Variants in MECOM observed in about 807,000 individuals in gnomAD.
MECOM encodes MDS1 and EVI1 complex locus.
In MECOM, 13 loss-of-function variants were observed where a neutral mutation model predicts 116.3. The ratio of observed to expected loss-of-function variants is 0.11; its 90% CI spans 0.07 to 0.18. The LOEUF (loss-of-function observed/expected upper bound fraction) is 0.18, where lower values mean the gene tolerates loss of function less well. Ranked by LOEUF, MECOM falls within the 10% of genes least tolerant of loss-of-function variation. The pLI, the probability that MECOM is intolerant of heterozygous loss-of-function variation, is 1.00. For missense variants in MECOM, 1,299 were observed against 1,509.0 expected, an observed-to-expected ratio of 0.86 and a Z score of 2.31; for synonymous variants, 528 against 535.2, an observed-to-expected ratio of 0.99 and a Z score of 0.19.
At chr3:169,417,713 G>A (rs1191776325) in intron 1 of MECOM, among the ~76,000 whole-genome samples, 1 of 151,800 alleles carries the variant, frequency 6.6e-6, no homozygotes, top group Non-Finnish European at 1.5e-5. Flanking sequence ...CAACCCAAAT[G>A]TCCAACAATG....
intron 2 of MECOM, among the ~76,000 whole-genome samples, chr3:169,148,311 C>G (rs1740507295): frequency 6.6e-6 from 1 of 152,156 alleles, no homozygotes; most frequent in African/African-American, 2.4e-5. Flanking sequence ...GAACGTTTAA[C>G]ATCATAAATG....
At chr3:169,174,953 T>C (rs1168705698) in intron 2 of MECOM, among the ~76,000 whole-genome samples, 1 of 151,846 alleles carries the variant, frequency 6.6e-6, no homozygotes, top group Non-Finnish European at 1.5e-5. Flanking sequence ...AGACTCTGTC[T>C]CATCTGGTAC....
chr3:169,642,539 G>A (rs74286672), intron 1 of MECOM, among the ~76,000 whole-genome samples: 1 of 151,314 alleles, frequency 6.6e-6, no homozygotes, highest in Non-Finnish European at 1.5e-5. Context: ...AAGTGAAAAG[G>A]AAAGAATCTT....
chr3:169,460,505 A>G (rs1415136579), intron 1 of MECOM, among the ~76,000 whole-genome samples: 1 of 152,236 alleles, frequency 6.6e-6, no homozygotes, highest in Non-Finnish European at 1.5e-5. Flanking sequence ...ATTAGATGGC[A>G]TGGACATGTT....
chr3:169,631,022 A>G (rs1480637094), intron 1 of MECOM, among the ~76,000 whole-genome samples: 1 of 152,230 alleles, frequency 6.6e-6, no homozygotes, highest in Non-Finnish European at 1.5e-5. Context: ...AAGCATATTG[A>G]TGTCCTCCTC....
chr3:169,533,633 C>G (rs1336567143), intron 1 of MECOM, among the ~76,000 whole-genome samples: 1 of 134,226 alleles, frequency 7.5e-6, no homozygotes, highest in East Asian at 2.1e-4. Context: ...ATATTCATTT[C>G]TCACTTGCTT....
chr3:169,410,039 A>T (rs148348227), intron 1 of MECOM, among the ~76,000 whole-genome samples: 2 of 152,362 alleles, frequency 1.3e-5, no homozygotes, highest in Admixed American at 1.3e-4. Context: ...CTTATAATTC[A>T]GAAACTGAGG....
intron 1 of MECOM, chr3:169,624,100 G>A (rs1419072062): frequency 1.3e-5 from 2 of 152,258 alleles, no homozygotes; most frequent in Admixed American, 1.3e-4. Context: ...ATTCTGGTCA[G>A]TTCAGTCTGG....
chr3:169,490,159 T>A (rs888318722), intron 1 of MECOM, among the ~76,000 whole-genome samples: 28 of 152,186 alleles, frequency 1.8e-4, no homozygotes, highest in African/African-American at 6.8e-4. Context: ...CTTTAGAGTT[T>A]CAAAAATTAA....
chr3:169,506,460 A>T (rs1755229843), intron 1 of MECOM, among the ~76,000 whole-genome samples: 1 of 126,454 alleles, frequency 7.9e-6, no homozygotes. Context: ...GTCTGAGGTG[A>T]GTACTCTTTT....
chr3:169,182,824 G>A (rs908437632), intron 2 of MECOM, among the ~76,000 whole-genome samples: 1 of 152,064 alleles, frequency 6.6e-6, no homozygotes, highest in African/African-American at 2.4e-5. Context: ...TAACTTTCCT[G>A]ATTTGCATTA....
At chr3:169,623,227 T>C (rs74917561) in intron 1 of MECOM, among the ~76,000 whole-genome samples, 2,930 of 152,296 alleles carry the variant, frequency 0.019, 28 homozygotes, top group Middle Eastern at 0.051. Flanking sequence ...CCAATGACCA[T>C]TGATGATTTG....
chr3:169,270,150 G>A (rs1415704273), intron 2 of MECOM, among the ~76,000 whole-genome samples: 1 of 152,262 alleles, frequency 6.6e-6, no homozygotes, highest in African/African-American at 2.4e-5. Context: ...GTAAGAAAGG[G>A]ACAGTGTTCT....
chr3:169,199,179 G>A (rs1345484462), intron 2 of MECOM, among the ~76,000 whole-genome samples: 1 of 151,980 alleles, frequency 6.6e-6, no homozygotes, highest in Non-Finnish European at 1.5e-5. Flanking sequence ...GCAATGAAGA[G>A]CAAAATAAAG....
At chr3:169,558,164 G>A (rs1429191857) in intron 1 of MECOM, among the ~76,000 whole-genome samples, 2 of 152,122 alleles carry the variant, frequency 1.3e-5, no homozygotes, top group Non-Finnish European at 2.9e-5. Context: ...GCCACTCACA[G>A]CAAATCAGAG....
At chr3:169,256,125 C>T (rs1756841906) in intron 2 of MECOM, among the ~76,000 whole-genome samples, 2 of 151,992 alleles carry the variant, frequency 1.3e-5, no homozygotes, top group South Asian at 2.1e-4. Context: ...CAAATCAAAC[C>T]AATATAAATA....
At chr3:169,214,255 G>A (rs1751139944) in intron 2 of MECOM, among the ~76,000 whole-genome samples, 2 of 152,122 alleles carry the variant, frequency 1.3e-5, no homozygotes, top group East Asian at 3.9e-4. Context: ...ATTAGCGGTA[G>A]AAAAGAGAAC....
At chr3:169,107,793 C>A in intron 10 of MECOM, 133 bp downstream of exon 10, 1 of 639,826 alleles carries the variant, frequency 1.6e-6, no homozygotes, top group African/African-American at 1.9e-5. Flanking sequence ...AGCAGGGAAA[C>A]TATCTGCTGG....
At chr3:169,192,456 T>C (rs1049774027) in intron 2 of MECOM, among the ~76,000 whole-genome samples, 2 of 152,064 alleles carry the variant, frequency 1.3e-5, no homozygotes, top group Non-Finnish European at 2.9e-5. Flanking sequence ...GTATTTTATC[T>C]ACCATGTGGA....
Sources: gnomAD v4.1 joint callset for allele counts (sites outside exome capture counted in the v4.1 genomes callset) on GRCh38, gnomAD v4.1.1 for gene constraint, MANE v1.5 for transcripts, NCBI Gene and HGNC (gene_info 2026-07-23, HGNC 2026-07-21) for gene names.